The following PPP2R2B variants were observed in gnomAD, a reference collection of about 807,000 sequenced individuals.
PPP2R2B encodes protein phosphatase 2 regulatory subunit Bbeta, also known as serine/threonine-protein phosphatase 2A 55 kDa regulatory subunit B beta isoform.
In PPP2R2B, 5 loss-of-function variants were observed where a neutral mutation model predicts 46.0. The ratio of observed to expected loss-of-function variants is 0.11; its 90% CI spans 0.06 to 0.23. The LOEUF (loss-of-function observed/expected upper bound fraction) is 0.23, where lower values mean the gene tolerates loss of function less well. Ranked by LOEUF, PPP2R2B falls within the 10% of genes least tolerant of loss-of-function variation. PPP2R2B has a pLI of 1.00. For synonymous variants in PPP2R2B, 215 were observed against 206.7 expected (o/e 1.04, Z -0.34); for missense variants, 367 against 575.0 (o/e 0.64, Z 3.70).
At chr5:146,590,258 T>G in intron 9 of PPP2R2B, 32 bp from the exon 10 acceptor site, 2 of 1,531,934 alleles carry the variant, frequency 1.3e-6, no homozygotes, top group Non-Finnish European at 1.7e-6. Flanking sequence ...CAATGACATA[T>G]CTTCACTGTC....
At position 147,001,174 on chromosome 5, in the gene PPP2R2B, AT is replaced by A. The variant is rs376565974; in HGVS notation, c.79+54490del. 3.3e-4 allele frequency among the ~76,000 whole-genome samples: 51 copies of A among 152,274 alleles called. 1 individual carries two copies. Among genetic ancestry groups the A allele is most frequent in the African/African-American group, 1.2e-3 (48 of 41,570 alleles). On this transcript the variant is annotated intron_variant, in intron 1 of 8. Coordinates refer to the PPP2R2B transcript ENST00000336640. ...CAATCACCAGGGTGGGTGGGGCCAA[AT>A]AAGGGAATAAAAGCTGGCCACCCAA...
intron 7 of PPP2R2B, among the ~76,000 whole-genome samples, chr5:146,625,367 T>A (rs1229906862): frequency 6.6e-6 from 1 of 152,174 alleles, no homozygotes; most frequent in Admixed American, 6.5e-5. Context: ...AAACAGTGGG[T>A]CAACTACTCT....
intron 2 of PPP2R2B, among the ~76,000 whole-genome samples, chr5:146,757,186 G>C (rs1489821209): frequency 6.6e-6 from 1 of 152,082 alleles, no homozygotes; most frequent in African/African-American, 2.4e-5. Context: ...GGAGAGGGAG[G>C]GAGGTAGGCA....
chr5:146,739,794 C>T (rs538908841), intron 2 of PPP2R2B, among the ~76,000 whole-genome samples: 10 of 152,294 alleles, frequency 6.6e-5, no homozygotes, highest in African/African-American at 2.4e-4. Flanking sequence ...TCCTATGTTT[C>T]TCTTTGTATC....
At chr5:146,737,507 A>G (rs529660238) in intron 2 of PPP2R2B, among the ~76,000 whole-genome samples, 1 of 152,334 alleles carries the variant, frequency 6.6e-6, no homozygotes, top group East Asian at 1.9e-4. Flanking sequence ...TATGGAATCA[A>G]TGGAAGGTTA....
chr5:146,844,030 A>T (rs1759828137), intron 2 of PPP2R2B, among the ~76,000 whole-genome samples: 1 of 152,002 alleles, frequency 6.6e-6, no homozygotes, highest in African/African-American at 2.4e-5. Flanking sequence ...CGCCACACTG[A>T]CTTCCACAAT....
rs147358922 is a variant in PPP2R2B at position 146,901,144 on chromosome 5, A to G, written c.79+154521T>C. 1.7e-3 allele frequency among the ~76,000 whole-genome samples: 254 copies of G among 152,324 alleles called. 1 individual carries two copies. The highest frequency in any genetic ancestry group is 5.9e-3 in the African/African-American group (244 of 41,580). On this transcript the variant is annotated intron_variant, in intron 1 of 8. Coordinates refer to the PPP2R2B transcript ENST00000336640. ...CAAATTGAGGCACACCCAGTTTTGAAGTTGAATATGACCAAGAAGCTTCCA... is the reference window on the plus strand; with the variant it reads ...CAAATTGAGGCACACCCAGTTTTGAGGTTGAATATGACCAAGAAGCTTCCA...
intron 6 of PPP2R2B, among the ~76,000 whole-genome samples, chr5:146,649,376 A>G (rs1423876665): frequency 6.6e-6 from 1 of 152,116 alleles, no homozygotes. Flanking sequence ...TAGAGGGTCA[A>G]CATAGTGGGG....
chr5:146,952,367 C>T (rs1277466308), intron 1 of PPP2R2B, among the ~76,000 whole-genome samples: 1 of 152,048 alleles, frequency 6.6e-6, no homozygotes, highest in Non-Finnish European at 1.5e-5. Context: ...TTTTCCATCA[C>T]TGTGTGTGAT....
chr5:146,910,341 G>A (rs1371114627), intron 1 of PPP2R2B, among the ~76,000 whole-genome samples: 2 of 152,216 alleles, frequency 1.3e-5, no homozygotes, highest in African/African-American at 2.4e-5. Flanking sequence ...GCCCAGAATA[G>A]GTTACTTAAC....
chr5:146,871,836 T>C (rs1761631496), intron 2 of PPP2R2B, among the ~76,000 whole-genome samples: 1 of 152,244 alleles, frequency 6.6e-6, no homozygotes, highest in East Asian at 1.9e-4. Context: ...TGTGTATTTG[T>C]TATGCAAGTT....
At chr5:147,006,236 G>C (rs1390291957) in intron 1 of PPP2R2B, among the ~76,000 whole-genome samples, 1 of 152,096 alleles carries the variant, frequency 6.6e-6, no homozygotes. Flanking sequence ...CTAATAATTG[G>C]TCTGCTCAAA....
At chr5:146,884,542 C>CTAAA (rs1456285764) in intron 1 of PPP2R2B, among the ~76,000 whole-genome samples, 5 of 152,168 alleles carry the variant, frequency 3.3e-5, no homozygotes, top group Non-Finnish European at 7.3e-5. Context: ...TGCTTCAATA[C>CTAAA]TAAACAAAAA....
chr5:146,604,211 G>A (rs920390491), intron 7 of PPP2R2B, among the ~76,000 whole-genome samples: 9 of 152,304 alleles, frequency 5.9e-5, no homozygotes, highest in Admixed American at 3.9e-4. Flanking sequence ...GGAAATCATG[G>A]TGCTATGGAA....
At chr5:146,723,721 C>G (rs17105275) in intron 2 of PPP2R2B, among the ~76,000 whole-genome samples, 1 of 151,914 alleles carries the variant, frequency 6.6e-6, no homozygotes, top group African/African-American at 2.4e-5. Context: ...CTAAAACACA[C>G]GCCCTGATCT....
chr5:146,762,178 AG>A (rs1754207621), intron 2 of PPP2R2B, among the ~76,000 whole-genome samples: 1 of 152,258 alleles, frequency 6.6e-6, no homozygotes, highest in African/African-American at 2.4e-5. Context: ...TAAAGAAAAA[AG>A]TTACTGATAT....
At chr5:146,654,879 T>G (rs914379415) in intron 5 of PPP2R2B, among the ~76,000 whole-genome samples, 3 of 152,168 alleles carry the variant, frequency 2.0e-5, no homozygotes, top group Non-Finnish European at 4.4e-5. Flanking sequence ...AATGCCCTTT[T>G]GCCAAATGAC....
At chr5:146,803,421 C>A (rs1364045776) in intron 2 of PPP2R2B, among the ~76,000 whole-genome samples, 1 of 152,096 alleles carries the variant, frequency 6.6e-6, no homozygotes, top group African/African-American at 2.4e-5. Flanking sequence ...TTTAACATAA[C>A]ATTAAGTTTA....
intron 6 of PPP2R2B, 55 bp from the exon 7 acceptor site, chr5:146,638,470 AG>A: frequency 1.3e-6 from 2 of 1,497,030 alleles, no homozygotes; most frequent in Non-Finnish European, 1.8e-6. Flanking sequence ...AACTTGGGGA[AG>A]GGGAGAATTA....
Sources: allele counts gnomAD v4.1 joint callset (sites outside exome capture counted in the v4.1 genomes callset), GRCh38; gene constraint gnomAD v4.1.1; transcripts MANE v1.5; gene names NCBI Gene and HGNC (gene_info 2026-07-23, HGNC 2026-07-21).